The following SAMD4A variants were observed in gnomAD, a reference collection of about 807,000 sequenced individuals.
SAMD4A encodes the protein sterile alpha motif domain containing 4A.
SAMD4A carries 33 observed loss-of-function variants against 81.3 expected under a neutral mutation model. The observed-to-expected ratio is 0.41, with a 90% CI of 0.31 to 0.54. The LOEUF is 0.54. Ranked by LOEUF, SAMD4A falls within the 20% of genes least tolerant of loss-of-function variation. The pLI, the probability that SAMD4A is intolerant of heterozygous loss-of-function variation, is 0.37. For synonymous variants in SAMD4A, 389 were observed against 382.1 expected (o/e 1.02, Z -0.21); for missense variants, 854 against 951.1 (o/e 0.90, Z 1.34).
At position 54,736,955 on chromosome 14, in the gene SAMD4A, T is replaced by C. The variant is rs1420877339; in HGVS notation, c.716-69T>C. Reference sequence around the variant, plus strand: ...TGGTATCTCTCAGGGTTAAGAGGTATTGTGGGTTCTTCGGTGTCCCAGGAT... The same window carrying C: ...TGGTATCTCTCAGGGTTAAGAGGTACTGTGGGTTCTTCGGTGTCCCAGGAT... On this transcript the variant is annotated intron_variant, in intron 3 of 12. Transcript: ENST00000554335. The C allele has an allele frequency of 2.6e-6, 4 of 1,546,892 alleles. No homozygotes were observed. In the East Asian group the frequency reaches 9.0e-5, roughly 35 times the overall value.
At chr14:54,681,196 C>T (rs12434172) in intron 2 of SAMD4A, among the ~76,000 whole-genome samples, 1 of 135,898 alleles carries the variant, frequency 7.4e-6, no homozygotes, top group Non-Finnish European at 1.6e-5. Context: ...AGCCCCCCAA[C>T]CCCCCAACCG....
chr14:54,649,321 G>A (rs2035354235), intron 2 of SAMD4A, among the ~76,000 whole-genome samples: 1 of 152,236 alleles, frequency 6.6e-6, no homozygotes. Flanking sequence ...GAGTGAGACA[G>A]AGGTTTTAGG....
chr14:54,725,341 G>A (rs1400873841), intron 3 of SAMD4A, among the ~76,000 whole-genome samples: 1 of 152,126 alleles, frequency 6.6e-6, no homozygotes, highest in Non-Finnish European at 1.5e-5. Context: ...CATGAAATGT[G>A]GACACTTAAA....
chr14:54,582,838 TC>T (rs2033507208), intron 2 of SAMD4A, among the ~76,000 whole-genome samples: 1 of 152,228 alleles, frequency 6.6e-6, no homozygotes, highest in Admixed American at 6.5e-5. Context: ...CAGCTTATTC[TC>T]AAATGTTTAT....
intron 2 of SAMD4A, among the ~76,000 whole-genome samples, chr14:54,606,212 T>C (rs61975127): frequency 0.075 from 11,226 of 150,336 alleles, 496 homozygotes; most frequent in Middle Eastern, 0.16. Context: ...TGTGTGTGTG[T>C]GCGTGCACGT....
At chr14:54,672,100 T>A (rs1478864402) in intron 2 of SAMD4A, among the ~76,000 whole-genome samples, 1 of 143,018 alleles carries the variant, frequency 7.0e-6, no homozygotes, top group African/African-American at 2.6e-5. Flanking sequence ...TTTAAATTTA[T>A]TTTTTTTTGA....
chr14:54,630,906 A>ATG (rs780859854), intron 2 of SAMD4A, among the ~76,000 whole-genome samples: 60 of 65,548 alleles, frequency 9.2e-4, no homozygotes, highest in Middle Eastern at 7.4e-3. Context: ...CTTGTATTTT[A>ATG]TATGTGTGTG....
chr14:54,730,803 G>A (rs915319878), intron 3 of SAMD4A, among the ~76,000 whole-genome samples: 4 of 152,010 alleles, frequency 2.6e-5, no homozygotes, highest in African/African-American at 7.3e-5. Flanking sequence ...CTCTGGTTTT[G>A]TATGTTTCAA....
chr14:54,779,857 G>C (rs758227241), intron 11 of SAMD4A, among the ~76,000 whole-genome samples: 1 of 152,118 alleles, frequency 6.6e-6, no homozygotes, highest in Non-Finnish European at 1.5e-5. Context: ...GAAACACTAC[G>C]AGGTGTAATA....
At chr14:54,617,496 G>A (rs990473322) in intron 2 of SAMD4A, among the ~76,000 whole-genome samples, 3 of 152,060 alleles carry the variant, frequency 2.0e-5, no homozygotes, top group Non-Finnish European at 4.4e-5. Context: ...AAAAGTGGGG[G>A]AGCAAGGAAG....
At chr14:54,627,203 T>C (rs1339861412) in intron 2 of SAMD4A, among the ~76,000 whole-genome samples, 1 of 152,180 alleles carries the variant, frequency 6.6e-6, no homozygotes, top group African/African-American at 2.4e-5. Context: ...AGAAAAACTG[T>C]CTTGGAAAAA....
chr14:54,768,260 C>T (rs2038604794), intron 8 of SAMD4A, among the ~76,000 whole-genome samples: 1 of 152,196 alleles, frequency 6.6e-6, no homozygotes, highest in Admixed American at 6.5e-5. Flanking sequence ...CCGGTCTGTG[C>T]AGTCCAAAAC....
chr14:54,569,219 G>A (rs554483868), intron 2 of SAMD4A, among the ~76,000 whole-genome samples: 12 of 152,164 alleles, frequency 7.9e-5, no homozygotes, highest in Non-Finnish European at 1.8e-4. Flanking sequence ...TGATGACAAG[G>A]TCCAGTCCAG....
At chr14:54,740,378 C>T (rs1335458815) in intron 4 of SAMD4A, among the ~76,000 whole-genome samples, 3 of 152,144 alleles carry the variant, frequency 2.0e-5, no homozygotes, top group African/African-American at 4.8e-5. Context: ...AATCGTTAAA[C>T]GTCCAGTTTA....
intron 3 of SAMD4A, among the ~76,000 whole-genome samples, chr14:54,729,241 G>C (rs759002727): frequency 2.0e-5 from 3 of 152,136 alleles, no homozygotes; most frequent in Non-Finnish European, 4.4e-5. Context: ...TAGCAGTCTA[G>C]GTGGTGCCGT....
intron 2 of SAMD4A, 55 bp downstream of exon 2, chr14:54,568,167 C>T (rs2033000174): frequency 2.2e-6 from 3 of 1,383,542 alleles, no homozygotes; most frequent in Admixed American, 3.0e-5. Flanking sequence ...CCGCTCCTCC[C>T]TCCGCTTCTC....
In SAMD4A at chr14:54,630,908, A is replaced by ATGTG. The variant is rs5808786; in HGVS notation, c.196+62841_196+62844dup. ...ACATATAATAAATCTTGTATTTTAT[A>ATGTG]TGTGTGTGTGTGTGTGTGTGTGTGT... On this transcript the variant is annotated intron_variant, in intron 2 of 12. Transcript: ENST00000554335. Among the ~76,000 whole-genome samples the ATGTG allele has an allele frequency of 7.5e-3, 1,077 of 144,308 alleles. 2 individuals carry two copies. The highest frequency in any genetic ancestry group is 0.011 in the Middle Eastern group (3 of 284). 94.7% of individuals were successfully genotyped at this position (144,308 alleles called of 152,430 possible).
At chr14:54,691,570 AAAAAATCTG>A (rs2140665084) in intron 2 of SAMD4A, among the ~76,000 whole-genome samples, 1 of 152,016 alleles carries the variant, frequency 6.6e-6, no homozygotes, top group East Asian at 1.9e-4. Flanking sequence ...AAAAAAAAAA[AAAAAATCTG>A]AAAAATCTTA....
At chr14:54,577,928 C>T (rs1055918226) in intron 2 of SAMD4A, among the ~76,000 whole-genome samples, 1 of 152,180 alleles carries the variant, frequency 6.6e-6, no homozygotes, top group African/African-American at 2.4e-5. Context: ...GTTCATTTAG[C>T]TCAGAGTAGA....
Sources: gnomAD v4.1 joint callset for allele counts (sites outside exome capture counted in the v4.1 genomes callset) on GRCh38, gnomAD v4.1.1 for gene constraint, MANE v1.5 for transcripts, NCBI Gene and HGNC (gene_info 2026-07-23, HGNC 2026-07-21) for gene names.